The following PITPNC1 variants were observed in gnomAD, a reference collection of about 807,000 sequenced individuals.
PITPNC1 encodes cytoplasmic phosphatidylinositol transfer protein 1.
Under a neutral mutation model 44.7 loss-of-function variants are expected in PITPNC1, and 18 were observed. The ratio of observed to expected loss-of-function variants is 0.40; its 90% CI spans 0.28 to 0.60. The LOEUF (loss-of-function observed/expected upper bound fraction) is 0.60, where lower values mean the gene tolerates loss of function less well. Among genes scored for constraint, PITPNC1 ranks in the 20% least tolerant of loss-of-function variants. The pLI is 0.39. For missense variants in PITPNC1, 290 were observed against 418.4 expected, an observed-to-expected ratio of 0.69 and a Z score of 2.68; for synonymous variants, 141 against 149.6, an observed-to-expected ratio of 0.94 and a Z score of 0.42.
At chr17:67,461,022 C>T (rs935053956) in intron 1 of PITPNC1, among the ~76,000 whole-genome samples, 4 of 152,122 alleles carry the variant, frequency 2.6e-5, no homozygotes, top group African/African-American at 9.7e-5. Flanking sequence ...ATTGTACAGG[C>T]GTGAGCCACT....
chr17:67,493,397 C>T (rs553876653), intron 1 of PITPNC1, among the ~76,000 whole-genome samples: 19 of 152,314 alleles, frequency 1.2e-4, no homozygotes, highest in African/African-American at 4.3e-4. Context: ...TCCTCCATCT[C>T]GAGACTCAGA....
chr17:67,637,038 G>C (rs138403376), intron 6 of PITPNC1, among the ~76,000 whole-genome samples: 178 of 152,236 alleles, frequency 1.2e-3, no homozygotes, highest in Non-Finnish European at 1.6e-3. Context: ...CTGGTCCGTG[G>C]CTTCTAGATC....
chr17:67,664,798 G>C (rs1482044665), intron 6 of PITPNC1, among the ~76,000 whole-genome samples: 1 of 151,876 alleles, frequency 6.6e-6, no homozygotes. Context: ...CCAGCTACTC[G>C]GGAGTCTGAG....
intron 5 of PITPNC1, among the ~76,000 whole-genome samples, chr17:67,606,761 T>C (rs1484968959): frequency 6.6e-6 from 1 of 150,496 alleles, no homozygotes; most frequent in Non-Finnish European, 1.5e-5. Flanking sequence ...AGAAGAGGGT[T>C]TTTTTTTTTC....
At chr17:67,614,322 C>T (rs1475662320) in intron 5 of PITPNC1, among the ~76,000 whole-genome samples, 1 of 151,640 alleles carries the variant, frequency 6.6e-6, no homozygotes, top group Non-Finnish European at 1.5e-5. Context: ...TTTATTCTTT[C>T]CAAAATAAAG....
chr17:67,545,877 T>C (rs1184980571), intron 2 of PITPNC1, among the ~76,000 whole-genome samples: 7 of 152,032 alleles, frequency 4.6e-5, no homozygotes, highest in Non-Finnish European at 1.0e-4. Context: ...GGGACTTGCA[T>C]TCCACTCGGG....
At chr17:67,500,598 T>G (rs2040012761) in intron 1 of PITPNC1, among the ~76,000 whole-genome samples, 1 of 152,166 alleles carries the variant, frequency 6.6e-6, no homozygotes, top group Admixed American at 6.5e-5. Flanking sequence ...TAAAACCCAC[T>G]GTATTCTACA....
chr17:67,603,188 C>T (rs2041564259), intron 5 of PITPNC1, among the ~76,000 whole-genome samples: 1 of 152,232 alleles, frequency 6.6e-6, no homozygotes, highest in Non-Finnish European at 1.5e-5. Flanking sequence ...AGGGCCCCAT[C>T]TAATGGCCTT....
At chr17:67,440,194 A>T (rs917670389) in intron 1 of PITPNC1, among the ~76,000 whole-genome samples, 3 of 152,214 alleles carry the variant, frequency 2.0e-5, no homozygotes, top group African/African-American at 4.8e-5. Context: ...CAATATTTTT[A>T]AAAAATAAAA....
At chr17:67,380,720 GA>G (rs1421437261) in intron 1 of PITPNC1, among the ~76,000 whole-genome samples, 2 of 152,090 alleles carry the variant, frequency 1.3e-5, no homozygotes, top group African/African-American at 4.8e-5. Flanking sequence ...TGAAAATGAG[GA>G]AGCAACTTGA....
At chr17:67,502,854 G>A (rs142881413) in intron 1 of PITPNC1, among the ~76,000 whole-genome samples, 124 of 151,930 alleles carry the variant, frequency 8.2e-4, no homozygotes, top group African/African-American at 2.8e-3. Flanking sequence ...GTATAGTGGC[G>A]CGATCTTGGC....
chr17:67,605,525 C>G (rs906399136), intron 5 of PITPNC1, among the ~76,000 whole-genome samples: 1 of 152,224 alleles, frequency 6.6e-6, no homozygotes, highest in African/African-American at 2.4e-5. Context: ...CCGACCTTTC[C>G]TTAATGAAGA....
At chr17:67,623,653 G>A (rs1258579102) in intron 5 of PITPNC1, among the ~76,000 whole-genome samples, 1 of 152,166 alleles carries the variant, frequency 6.6e-6, no homozygotes, top group Non-Finnish European at 1.5e-5. Flanking sequence ...CAAAGTGCTG[G>A]GATTACAGGC....
intron 8 of PITPNC1, among the ~76,000 whole-genome samples, chr17:67,690,301 A>C (rs2042896515): frequency 6.6e-6 from 1 of 152,084 alleles, no homozygotes; most frequent in Non-Finnish European, 1.5e-5. Flanking sequence ...CACAAAAATT[A>C]GCCGGGCGTG....
intron 1 of PITPNC1, among the ~76,000 whole-genome samples, chr17:67,528,488 T>C (rs1448670267): frequency 1.3e-5 from 2 of 152,266 alleles, no homozygotes; most frequent in African/African-American, 4.8e-5. Flanking sequence ...TTAGAATCTT[T>C]CTATGTCTTT....
At chr17:67,492,348 A>G (rs1410413919) in intron 1 of PITPNC1, among the ~76,000 whole-genome samples, 1 of 152,176 alleles carries the variant, frequency 6.6e-6, no homozygotes, top group Non-Finnish European at 1.5e-5. Flanking sequence ...ACAGAAGAGG[A>G]GAAGACACAG....
At chr17:67,578,118 G>A in intron 4 of PITPNC1, 68 bp from the exon 5 acceptor site, 2 of 1,058,468 alleles carry the variant, frequency 1.9e-6, no homozygotes, top group East Asian at 2.4e-5. Flanking sequence ...AAAGTATTCA[G>A]AAGCTCTGCT....
chr17:67,424,085 C>CAAAAAAAAAAAAAAAAAAAAAAAAA, intron 1 of PITPNC1, among the ~76,000 whole-genome samples: 1 of 76,120 alleles, frequency 1.3e-5, no homozygotes, highest in Non-Finnish European at 2.5e-5. Context: ...GAGACTGTCT[C>CAAAAAAAAAAAAAAAAAAAAAAAAA]AAAAAAAAAA....
At chr17:67,504,596 G>A (rs192669881) in intron 1 of PITPNC1, among the ~76,000 whole-genome samples, 1 of 152,282 alleles carries the variant, frequency 6.6e-6, no homozygotes, top group East Asian at 1.9e-4. Context: ...CAATGCTTAC[G>A]ATATTTTTCA....
Sources: allele counts gnomAD v4.1 joint callset (sites outside exome capture counted in the v4.1 genomes callset), GRCh38; gene constraint gnomAD v4.1.1; transcripts MANE v1.5; gene names NCBI Gene and HGNC (gene_info 2026-07-23, HGNC 2026-07-21).